ZNF280D: variants seen among roughly 807,000 people sequenced by gnomAD.
ZNF280D encodes zinc finger protein 280D.
ZNF280D carries 39 observed loss-of-function variants against 94.7 expected under a neutral mutation model. The observed-to-expected ratio is 0.41, with a 90% CI of 0.32 to 0.54. The LOEUF (loss-of-function observed/expected upper bound fraction) is 0.54. Ranked by LOEUF, ZNF280D falls within the 20% of genes least tolerant of loss-of-function variation. The pLI, the probability that ZNF280D is intolerant of heterozygous loss-of-function variation, is 0.22. For missense variants in ZNF280D, 1,090 were observed against 1,149.3 expected (o/e 0.95, Z 0.75); for synonymous variants, 398 against 377.6 (o/e 1.05, Z -0.63).
Position 56,712,134 on chromosome 15 carries a change from T to C in ZNF280D, c.-85-4828A>G, listed in dbSNP as rs2057791268. Among the ~76,000 whole-genome samples, 8 of 152,200 alleles carry C rather than the reference T, an allele frequency of 5.3e-5. No individual in the cohort carries two copies. In the South Asian group the frequency reaches 1.7e-3, roughly 31 times the overall value. ...AGCTTTATATCTTCCAGACTGTGGC[T>C]GTCAAATCTATCCTACCACATTTTC... On this transcript the variant is annotated intron_variant, in intron 1 of 21. Coordinates refer to ENST00000267807, the MANE Select transcript of ZNF280D (RefSeq NM_017661.4).
rs544083019 is a variant in ZNF280D, at chr15:56,715,510, G to T, written c.-85-8204C>A. Among the ~76,000 whole-genome samples, 30 of 152,120 alleles carry T rather than the reference G, an allele frequency of 2.0e-4. No homozygotes were observed. In the South Asian group the frequency reaches 6.0e-3, roughly 31 times the overall value. On this transcript the variant is annotated intron_variant, in intron 1 of 21. Transcript: ENST00000267807. ...AACTAAGGGCAATATTTATAGCAAT[G>T]ATTTGAATAAAAGCTATACTGTGTG...
intron 17 of ZNF280D, among the ~76,000 whole-genome samples, chr15:56,657,734 A>G (rs536705686): frequency 6.6e-6 from 1 of 152,300 alleles, no homozygotes; most frequent in South Asian, 2.1e-4. Flanking sequence ...GTGTTGGCAA[A>G]TATGTGGAGA....
At chr15:56,716,198 T>A (rs1184363271) in intron 1 of ZNF280D, among the ~76,000 whole-genome samples, 1 of 152,002 alleles carries the variant, frequency 6.6e-6, no homozygotes, top group East Asian at 1.9e-4. Context: ...AATTAATACA[T>A]ACTTACTGCA....
intron 1 of ZNF280D, 100 bp downstream of exon 1, chr15:56,733,358 G>A (rs1216994447): frequency 4.2e-6 from 3 of 709,390 alleles, no homozygotes; most frequent in Non-Finnish European, 5.2e-6. Flanking sequence ...CCGGCCTCAA[G>A]ACCCCCAGTC....
chr15:56,650,330 A>C (rs1258366428), intron 19 of ZNF280D, among the ~76,000 whole-genome samples: 2 of 152,188 alleles, frequency 1.3e-5, no homozygotes, highest in African/African-American at 4.8e-5. Flanking sequence ...TATAATACAC[A>C]CATTAACATC....
chr15:56,658,904 T>C (rs193023662), intron 16 of ZNF280D, among the ~76,000 whole-genome samples: 288 of 152,182 alleles, frequency 1.9e-3, no homozygotes, highest in Admixed American at 5.0e-3. Context: ...AACATGTTTG[T>C]GTAGGGGGAG....
chr15:56,673,046 T>C (rs779203634), intron 13 of ZNF280D, among the ~76,000 whole-genome samples: 1 of 151,938 alleles, frequency 6.6e-6, no homozygotes, highest in Non-Finnish European at 1.5e-5. Flanking sequence ...AACCAAAAAA[T>C]AGATACCAAA....
intron 6 of ZNF280D, among the ~76,000 whole-genome samples, chr15:56,697,089 A>G (rs1405628304): frequency 7.9e-5 from 12 of 152,206 alleles, no homozygotes; most frequent in Admixed American, 7.2e-4. Context: ...AGCTTATAAT[A>G]AGCATAAAAG....
At chr15:56,687,337 C>T (rs956422221) in intron 9 of ZNF280D, among the ~76,000 whole-genome samples, 2 of 151,978 alleles carry the variant, frequency 1.3e-5, no homozygotes, top group East Asian at 1.9e-4. Flanking sequence ...TAAGTAATTA[C>T]AAACCATGAA....
chr15:56,683,718 C>T (rs1351706695), intron 9 of ZNF280D, among the ~76,000 whole-genome samples: 1 of 152,132 alleles, frequency 6.6e-6, no homozygotes, highest in East Asian at 1.9e-4. Flanking sequence ...AATAGGGCTT[C>T]TCATGTGAAC....
chr15:56,666,435 T>C lies in ZNF280D; in HGVS notation c.1954A>G (p.Asn652Asp). 3.1e-6 allele frequency: 5 copies of C among 1,606,178 alleles called. No homozygotes were observed. The highest frequency in any genetic ancestry group is 4.2e-6 in the Non-Finnish European group (5 of 1,177,766). Residue 652 changes from asparagine (N) to aspartate (D), a missense_variant, in exon 16 of 22, where the codon AAC becomes GAC. Physicochemically the swap from Asn to Asp is conservative, Grantham distance 23. Transcript: ENST00000267807. ...ACATAGGCTTTGCTACAGCTAGTGTTGTATCTGCAAAAACTACAGTGGACG... is the reference window on the plus strand; with the variant it reads ...ACATAGGCTTTGCTACAGCTAGTGTCGTATCTGCAAAAACTACAGTGGACG... ...TYVHCSFCRY[N>D]TSCSKAYVNH... is the part of the protein sequence containing the mutation.
At chr15:56,653,278 G>A in intron 19 of ZNF280D, 2 of 1,194,584 alleles carry the variant, frequency 1.7e-6, no homozygotes, top group Non-Finnish European at 2.1e-6. Context: ...TGAAGCAGTG[G>A]TTTGATGGGC....
chr15:56,689,528 C>A, intron 7 of ZNF280D, 58 bp from the exon 8 acceptor site: 1 of 1,065,680 alleles, frequency 9.4e-7, no homozygotes, highest in South Asian at 2.4e-5. Flanking sequence ...TTATTTACAT[C>A]TGAGTAAAAA....
intron 7 of ZNF280D, among the ~76,000 whole-genome samples, chr15:56,692,490 A>G (rs1004362778): frequency 6.6e-6 from 1 of 152,076 alleles, no homozygotes; most frequent in Non-Finnish European, 1.5e-5. Flanking sequence ...ATAGTACACT[A>G]ATTTATTTTA....
At chr15:56,656,995 T>C (rs1330996783) in intron 17 of ZNF280D, among the ~76,000 whole-genome samples, 1 of 152,018 alleles carries the variant, frequency 6.6e-6, no homozygotes, top group Non-Finnish European at 1.5e-5. Flanking sequence ...GCATAGGAAA[T>C]AATAAATGCA....
At position 56,685,366 on chromosome 15, in the gene ZNF280D, C is replaced by CAAAACAAAAA. The variant is rs1190743025; in HGVS notation, c.781-2890_781-2889insTTTTTGTTTT. On this transcript the variant is annotated intron_variant, in intron 9 of 21. Transcript: ENST00000267807. Reference sequence around the variant, plus strand: ...AAAAACAAAACAAAACAAAACAAAACAAACAAAAATGTAATGTCATATGCC... The same window carrying CAAAACAAAAA: ...AAAAACAAAACAAAACAAAACAAAACAAAACAAAAAAAACAAAAATGTAATGTCATATGCC... Among the ~76,000 whole-genome samples, 47 of 149,312 alleles carry CAAAACAAAAA rather than the reference C, an allele frequency of 3.1e-4. No individual in the cohort carries two copies. In the South Asian group the frequency reaches 8.1e-3, roughly 26 times the overall value.
intron 1 of ZNF280D, among the ~76,000 whole-genome samples, chr15:56,726,321 T>C (rs1349882561): frequency 1.3e-5 from 2 of 152,164 alleles, no homozygotes; most frequent in East Asian, 1.9e-4. Context: ...TCCAGTATAC[T>C]ATCAGAGTCC....
At chr15:56,655,257 G>C (rs971453203) in intron 17 of ZNF280D, among the ~76,000 whole-genome samples, 13 of 152,202 alleles carry the variant, frequency 8.5e-5, no homozygotes, top group African/African-American at 3.1e-4. Flanking sequence ...ACCCAGGCGG[G>C]AGTGCAGTGG....
intron 21 of ZNF280D, among the ~76,000 whole-genome samples, chr15:56,633,777 C>G (rs1359968564): frequency 6.6e-6 from 1 of 152,098 alleles, no homozygotes; most frequent in Non-Finnish European, 1.5e-5. Context: ...GCATGAGCCA[C>G]AGCGCCCAGC....
Sources: allele counts gnomAD v4.1 joint callset (sites outside exome capture counted in the v4.1 genomes callset), GRCh38; gene constraint gnomAD v4.1.1; transcripts MANE v1.5; gene names NCBI Gene and HGNC (gene_info 2026-07-23, HGNC 2026-07-21).